The following GFRA1 variants were observed in gnomAD, a reference collection of about 807,000 sequenced individuals.
The protein encoded by GFRA1 is GDNF family receptor alpha 1.
A neutral mutation model predicts 51.6 loss-of-function variants in GFRA1; 16 were observed. The ratio of observed to expected loss-of-function variants is 0.31; its 90% CI spans 0.21 to 0.47. GFRA1 has a LOEUF of 0.47. GFRA1 is among the 20% of genes least tolerant of loss of function. The probability of loss-of-function intolerance (pLI) is 1.00; values close to 1 mark genes in which losing one functional copy is unlikely to be tolerated. For missense variants in GFRA1, 530 were observed against 594.3 expected, an observed-to-expected ratio of 0.89 and a Z score of 1.13; for synonymous variants, 270 against 241.3, an observed-to-expected ratio of 1.12 and a Z score of -1.10.
chr10:116,217,859 C>A (rs1965665396), intron 4 of GFRA1, among the ~76,000 whole-genome samples: 1 of 152,134 alleles, frequency 6.6e-6, no homozygotes, highest in South Asian at 2.1e-4. Flanking sequence ...CCCAGAAAGT[C>A]TTCTATAAAT....
At chr10:116,141,522 G>C (rs1003900926) in intron 5 of GFRA1, among the ~76,000 whole-genome samples, 2 of 150,812 alleles carry the variant, frequency 1.3e-5, no homozygotes, top group Admixed American at 6.6e-5. Flanking sequence ...AACCGAGGGG[G>C]TTGGGGGAGA....
intron 9 of GFRA1, among the ~76,000 whole-genome samples, chr10:116,073,692 A>G (rs1240370075): frequency 6.6e-6 from 1 of 152,078 alleles, no homozygotes; most frequent in Non-Finnish European, 1.5e-5. Context: ...GAAAAGATTC[A>G]TTGTTGTCCC....
chr10:116,179,132 C>T (rs1961958865), intron 5 of GFRA1, among the ~76,000 whole-genome samples: 1 of 152,196 alleles, frequency 6.6e-6, no homozygotes, highest in African/African-American at 2.4e-5. Context: ...AACCCAAAAC[C>T]CAGCCAATCA....
intron 5 of GFRA1, among the ~76,000 whole-genome samples, chr10:116,135,146 G>A (rs187988789): frequency 6.6e-6 from 1 of 152,166 alleles, no homozygotes; most frequent in Non-Finnish European, 1.5e-5. Flanking sequence ...GTGCCTCATT[G>A]TACATCAGAT....
intron 5 of GFRA1, among the ~76,000 whole-genome samples, chr10:116,136,063 A>T (rs1958312839): frequency 6.6e-6 from 1 of 152,232 alleles, no homozygotes; most frequent in Non-Finnish European, 1.5e-5. Flanking sequence ...TAATTTTCTA[A>T]AAGTGAAATC....
chr10:116,094,945 GA>G (rs1461191273), intron 7 of GFRA1, among the ~76,000 whole-genome samples: 1 of 152,182 alleles, frequency 6.6e-6, no homozygotes, highest in Non-Finnish European at 1.5e-5. Context: ...GAAGAAGTAG[GA>G]ATAAGCCTTG....
intron 4 of GFRA1, among the ~76,000 whole-genome samples, chr10:116,215,027 T>A (rs1484738532): frequency 1.3e-5 from 2 of 152,238 alleles, no homozygotes; most frequent in African/African-American, 2.4e-5. Flanking sequence ...TTTTAATAAA[T>A]ACTAGTACAA....
chr10:116,088,329 A>C (rs1171471481), intron 9 of GFRA1, among the ~76,000 whole-genome samples: 5 of 152,138 alleles, frequency 3.3e-5, no homozygotes, highest in African/African-American at 7.2e-5. Context: ...TCCAGTGATA[A>C]GCATGAGGCG....
intron 5 of GFRA1, among the ~76,000 whole-genome samples, chr10:116,155,546 A>T (rs1004043742): frequency 2.6e-5 from 4 of 152,204 alleles, no homozygotes; most frequent in Admixed American, 6.5e-5. Flanking sequence ...GAATTTTTTT[A>T]AATTATAAAA....
rs150328128 is a variant in GFRA1 at position 116,177,090 on chromosome 10, G to C, written c.433+34541C>G. Among the ~76,000 whole-genome samples the C allele has an allele frequency of 3.6e-3, 553 of 152,298 alleles. 6 individuals carry two copies. Among genetic ancestry groups the C allele is most frequent in the African/African-American group, 0.012 (507 of 41,578 alleles). ...AAAAGTCAAGTGTGTCTAGAACACA[G>C]AGGATGGGGCAGAAAGTGAGGCTGA... is the stretch of plus-strand genomic sequence containing the variant. On this transcript the variant is annotated intron_variant, in intron 5 of 10. Coordinates refer to ENST00000355422, the MANE Select transcript of GFRA1 (RefSeq NM_005264.8).
intron 6 of GFRA1, among the ~76,000 whole-genome samples, chr10:116,102,381 G>A: frequency 6.6e-6 from 1 of 152,202 alleles, no homozygotes; most frequent in Non-Finnish European, 1.5e-5. Context: ...GATGGGACAA[G>A]AGGGTAGTGA....
intron 5 of GFRA1, among the ~76,000 whole-genome samples, chr10:116,151,494 A>G (rs1959063356): frequency 6.6e-6 from 1 of 152,210 alleles, no homozygotes; most frequent in Non-Finnish European, 1.5e-5. Context: ...ATCATTAACT[A>G]GAGACTAGAG....
intron 5 of GFRA1, among the ~76,000 whole-genome samples, chr10:116,150,098 GA>G (rs1214434222): frequency 6.6e-6 from 1 of 152,154 alleles, no homozygotes; most frequent in Non-Finnish European, 1.5e-5. Context: ...TGGAGGCCCA[GA>G]AAGGCTAAGT....
At chr10:116,241,580 C>A (rs1967384466) in intron 4 of GFRA1, among the ~76,000 whole-genome samples, 3 of 152,286 alleles carry the variant, frequency 2.0e-5, no homozygotes, top group Middle Eastern at 3.4e-3. Context: ...AAATAAAATG[C>A]ACTGGCTGAA....
At chr10:116,238,228 A>AGAGCC (rs1967059443) in intron 4 of GFRA1, among the ~76,000 whole-genome samples, 1 of 152,204 alleles carries the variant, frequency 6.6e-6, no homozygotes, top group Non-Finnish European at 1.5e-5. Context: ...TGACAACAGG[A>AGAGCC]GAGCCGTGTC....
intron 5 of GFRA1, among the ~76,000 whole-genome samples, chr10:116,126,233 A>C (rs1342682056): frequency 4.6e-5 from 7 of 152,264 alleles, no homozygotes; most frequent in Non-Finnish European, 8.8e-5. Flanking sequence ...ATGAGTACTG[A>C]GGTTCTAGAT....
chr10:116,167,705 A>C (rs1444538045), intron 5 of GFRA1, among the ~76,000 whole-genome samples: 2 of 152,136 alleles, frequency 1.3e-5, no homozygotes, highest in Non-Finnish European at 2.9e-5. Flanking sequence ...CCGGGCTCCA[A>C]CCTTAGATAC....
intron 6 of GFRA1, among the ~76,000 whole-genome samples, chr10:116,124,332 C>T (rs1409640148): frequency 2.6e-5 from 4 of 151,890 alleles, no homozygotes; most frequent in South Asian, 4.2e-4. Context: ...CAGGTTCAAG[C>T]GATTCTCCTG....
chr10:116,096,418 A>C (rs1589784537), intron 7 of GFRA1, among the ~76,000 whole-genome samples: 1 of 145,584 alleles, frequency 6.9e-6, no homozygotes, highest in African/African-American at 2.5e-5. Context: ...CAGCCTCCCC[A>C]CTCCTTAGTA....
Sources: gnomAD v4.1 joint callset for allele counts (sites outside exome capture counted in the v4.1 genomes callset) on GRCh38, gnomAD v4.1.1 for gene constraint, MANE v1.5 for transcripts, NCBI Gene and HGNC (gene_info 2026-07-23, HGNC 2026-07-21) for gene names.